The following MAGED1 variants were observed in gnomAD, a reference collection of about 807,000 sequenced individuals.
MAGED1 encodes the protein MAGE family member D1, also known as melanoma-associated antigen D1.
Under a neutral mutation model 54.1 loss-of-function variants are expected in MAGED1, and 3 were observed. The observed-to-expected ratio is 0.06, with a 90% CI of 0.03 to 0.14. The LOEUF (loss-of-function observed/expected upper bound fraction) is 0.14. Ranked by LOEUF, MAGED1 falls within the 10% of genes least tolerant of loss-of-function variation. MAGED1 has a pLI of 1.00. For missense variants in MAGED1, 485 were observed against 623.4 expected, an observed-to-expected ratio of 0.78 and a Z score of 2.36; for synonymous variants, 217 against 227.3, an observed-to-expected ratio of 0.95 and a Z score of 0.41.
rs782673435 is a variant in MAGED1 at position 51,809,336 on chromosome X, G to C, written c.-37+6219G>C. ...TCACTGTGTTAGCCAGGATGGTCTCGACCTCCTGACTTTGTGATCCACCCG... is the reference window on the plus strand; with the variant it reads ...TCACTGTGTTAGCCAGGATGGTCTCCACCTCCTGACTTTGTGATCCACCCG... On this transcript the variant is annotated intron_variant, in intron 1 of 12. Coordinates refer to the MAGED1 transcript ENST00000375772. Among the ~76,000 whole-genome samples, 6 of 110,805 alleles carry C rather than the reference G, an allele frequency of 5.4e-5. No individual in the cohort carries two copies. The East Asian group carries it at 1.7e-3, about 32-fold the overall frequency.
chrX:51,882,013 G>A (rs928556308), intron 1 of MAGED1, among the ~76,000 whole-genome samples: 4 of 111,710 alleles, frequency 3.6e-5, no homozygotes, highest in African/African-American at 1.3e-4. Context: ...ACAGGAATAG[G>A]TGATGGGTTT....
intron 1 of MAGED1, among the ~76,000 whole-genome samples, chrX:51,832,516 T>A (rs1926106772): frequency 9.0e-6 from 1 of 110,875 alleles, no homozygotes; most frequent in Non-Finnish European, 1.9e-5. Context: ...TCTCCATGAG[T>A]TCAGTTTTTT....
chrX:51,829,228 C>T (rs1783441235), intron 1 of MAGED1, among the ~76,000 whole-genome samples: 1 of 110,573 alleles, frequency 9.0e-6, no homozygotes, highest in African/African-American at 3.3e-5. Flanking sequence ...TCAAATGTGG[C>T]GAGGAGCTCA....
chrX:51,819,583 A>G (rs1925550639), intron 1 of MAGED1, among the ~76,000 whole-genome samples: 1 of 110,553 alleles, frequency 9.0e-6, no homozygotes. Flanking sequence ...CCATGTCCTT[A>G]TCGGCTATTT....
At position 51,815,757 on chromosome X, in the gene MAGED1, G is replaced by A. The variant is rs187215295; in HGVS notation, c.-37+12640G>A. ...GCTGGTGTCGAATTCCTGACCTCAG[G>A]TGATCCGCGCATCTCGGCTTCCCAA... On this transcript the variant is annotated intron_variant, in intron 1 of 12. Transcript: ENST00000375772. 6.9e-3 allele frequency among the ~76,000 whole-genome samples: 761 copies of A among 110,713 alleles called. 10 individuals carry two copies. The highest frequency in any genetic ancestry group is 0.023 in the African/African-American group (712 of 30,400).
chrX:51,891,745 A>G (rs1557363523), upstream of MAGED1, among the ~76,000 whole-genome samples: 1 of 112,208 alleles, frequency 8.9e-6, no homozygotes. Flanking sequence ...GGACCTGTTA[A>G]TTTAGAGAAT....
At chrX:51,819,558 A>T (rs1044354557) in intron 1 of MAGED1, among the ~76,000 whole-genome samples, 7 of 111,131 alleles carry the variant, frequency 6.3e-5, no homozygotes, top group African/African-American at 2.0e-4. Context: ...ATGACTAATG[A>T]TGTTGAACGT....
chrX:51,836,511 A>C (rs1379530784), intron 1 of MAGED1, among the ~76,000 whole-genome samples: 1 of 108,886 alleles, frequency 9.2e-6, no homozygotes, highest in Admixed American at 9.8e-5. Context: ...CTTTCTAGTG[A>C]TTTCAAATGG....
intron 1 of MAGED1, among the ~76,000 whole-genome samples, chrX:51,881,990 A>G (rs1278523854): frequency 8.9e-6 from 1 of 111,895 alleles, no homozygotes; most frequent in African/African-American, 3.3e-5. Flanking sequence ...ATAAAAATGT[A>G]CTTAAAATGG....
chrX:51,901,381 A>G lies in MAGED1; in HGVS notation c.1960-172A>G, dbSNP rs144330038. ...AGCATAATGTCATCCAGCATCATCT[A>G]TGTTGTTGCAAATGGCAGAATTTCC... On this transcript the variant is annotated intron_variant, in intron 11 of 12. Transcript: ENST00000326587. Among the ~76,000 whole-genome samples, 771 of 112,125 alleles carry G rather than the reference A, an allele frequency of 6.9e-3. 8 individuals are homozygous for G. Among genetic ancestry groups the G allele is most frequent in the Middle Eastern group, 0.018 (4 of 217 alleles).
chrX:51,867,807 G>A (rs186087001), intron 1 of MAGED1, among the ~76,000 whole-genome samples: 5 of 112,020 alleles, frequency 4.5e-5, no homozygotes, highest in Non-Finnish European at 9.4e-5. Flanking sequence ...TAGTCTATTT[G>A]AAGTTCTTCC....
chrX:51,881,172 C>G (rs1431099933), intron 1 of MAGED1, among the ~76,000 whole-genome samples: 4 of 110,943 alleles, frequency 3.6e-5, no homozygotes, highest in African/African-American at 1.3e-4. Flanking sequence ...AGGAAGCAAG[C>G]TTTCTCCCTT....
intron 1 of MAGED1, among the ~76,000 whole-genome samples, chrX:51,825,538 T>C (rs1557356914): frequency 8.9e-6 from 1 of 112,108 alleles, no homozygotes; most frequent in East Asian, 2.8e-4. Context: ...ATCTACTCAG[T>C]AGCTTAGCCA....
chrX:51,809,955 T>G lies in MAGED1; in HGVS notation c.-37+6838T>G, dbSNP rs1353223480. On this transcript the variant is annotated intron_variant, in intron 1 of 12. Transcript: ENST00000375772. ...ATTTCATAATAATCAAGATAAATGA[T>G]GCTGCCGCTGCTGCTTTTTTTCATT... Among the ~76,000 whole-genome samples, 6 of 112,217 alleles carry G rather than the reference T, an allele frequency of 5.3e-5. No homozygotes were observed. In the East Asian group the frequency reaches 1.1e-3, roughly 21 times the overall value.
upstream of MAGED1, chrX:51,893,552 T>G (rs1290031470): frequency 8.8e-6 from 1 of 113,965 alleles, no homozygotes; most frequent in African/African-American, 3.2e-5. Flanking sequence ...CTTTGGCTCT[T>G]CAGTGTTTGC....
intron 1 of MAGED1, among the ~76,000 whole-genome samples, chrX:51,816,261 C>G (rs910828380): frequency 1.4e-4 from 15 of 110,241 alleles, no homozygotes; most frequent in Non-Finnish European, 1.5e-4. Context: ...ATTACAGATG[C>G]CTGCTACCAT....
chrX:51,824,768 G>C (rs370226502), intron 1 of MAGED1, among the ~76,000 whole-genome samples: 1 of 87,225 alleles, frequency 1.1e-5, no homozygotes, highest in East Asian at 3.7e-4. Context: ...ATATATACAC[G>C]TATGTATATA....
At position 51,901,875 on chromosome X, in the gene MAGED1, C is replaced by A. The variant is rs1557365021; in HGVS notation, c.2282C>A (p.Ala761Asp). ...AGPIIGPGGT[A>D]SANFAANFGA... Reference sequence around the variant, plus strand: ...CCCATTATTGGTCCTGGTGGTACAGCCAGTGCCAACTTCGCTGCCAACTTT... The same window carrying A: ...CCCATTATTGGTCCTGGTGGTACAGACAGTGCCAACTTCGCTGCCAACTTT... The change falls in exon 12 of 13, where the codon GCC (alanine) becomes GAC (aspartate). Residue 761 changes from alanine to aspartate, a missense_variant. By Grantham distance (126) the Ala-to-Asp change is moderately radical (BLOSUM62 -2). Around this residue, in one of 2 missense-constraint regions of MAGED1, gnomAD observed 186 missense variants for 330.3 expected, o/e 0.56. Transcript: ENST00000326587. 1 of 1,210,245 alleles carries A rather than the reference C, an allele frequency of 8.3e-7. No homozygotes were observed. The highest frequency in any genetic ancestry group is 3.0e-5 in the East Asian group (1 of 33,836).
intron 1 of MAGED1, among the ~76,000 whole-genome samples, chrX:51,826,731 C>T (rs1257242940): frequency 8.9e-6 from 1 of 112,483 alleles, no homozygotes; most frequent in Non-Finnish European, 1.9e-5. Flanking sequence ...AAGAACATCA[C>T]ATACTGGTGG....
Sources: gnomAD v4.1 joint callset for allele counts (sites outside exome capture counted in the v4.1 genomes callset) on GRCh38, gnomAD v4.1.1 for gene constraint, gnomAD v4.1.1 regional missense constraint, MANE v1.5 for transcripts, NCBI Gene and HGNC (gene_info 2026-07-23, HGNC 2026-07-21) for gene names.